ALCAM: variants seen among roughly 807,000 people sequenced by gnomAD.
ALCAM encodes the protein activated leukocyte cell adhesion molecule.
In ALCAM, 30 loss-of-function variants were observed where a neutral mutation model predicts 70.9. The ratio of observed to expected loss-of-function variants is 0.42; its 90% confidence interval spans 0.32 to 0.57. ALCAM has a LOEUF of 0.57. ALCAM is among the 20% of genes least tolerant of loss of function. ALCAM has a pLI of 0.11. For synonymous variants in ALCAM, 249 were observed against 242.5 expected (o/e 1.03, Z -0.25); for missense variants, 591 against 695.1 (o/e 0.85, Z 1.68).
At chr3:105,536,818 G>A (rs1407799381) in intron 6 of ALCAM, among the ~76,000 whole-genome samples, 1 of 152,138 alleles carries the variant, frequency 6.6e-6, no homozygotes, top group African/African-American at 2.4e-5. Flanking sequence ...AGTCTTGAGG[G>A]CTCAGGTGCC....
chr3:105,575,996 T>C lies in ALCAM; in HGVS notation c.*1545T>C, dbSNP rs1208185369. 1 of 152,196 alleles carries C rather than the reference T, an allele frequency of 6.6e-6. No individual in the cohort carries two copies. The highest frequency in any genetic ancestry group is 6.6e-5 in the Admixed American group (1 of 15,262). 9.4% of individuals were successfully genotyped at this position (152,196 alleles called of 1,614,324 possible). A position where few individuals can be genotyped will look rare whatever the true frequency, so the allele number is the denominator to read the frequency against. On this transcript the variant is annotated 3_prime_UTR_variant, in exon 16 of 16. Transcript: ENST00000306107. ...TGCATTATTTAGAAACATACGTTATTGTACATTTGTAAACCATTTACTGTC... is the reference window on the plus strand; with the variant it reads ...TGCATTATTTAGAAACATACGTTATCGTACATTTGTAAACCATTTACTGTC...
intron 1 of ALCAM, among the ~76,000 whole-genome samples, chr3:105,384,287 T>C (rs774138169): frequency 1.1e-4 from 16 of 151,618 alleles, no homozygotes; most frequent in African/African-American, 1.7e-4. Context: ...CAGTGCAGAA[T>C]TGGATTTATC....
intron 1 of ALCAM, among the ~76,000 whole-genome samples, chr3:105,467,796 T>C (rs1937790437): frequency 6.6e-6 from 1 of 151,230 alleles, no homozygotes. Context: ...TTAAAAACAA[T>C]TAAAATGAGG....
At chr3:105,535,872 A>C (rs1340176420) in intron 6 of ALCAM, among the ~76,000 whole-genome samples, 1 of 152,096 alleles carries the variant, frequency 6.6e-6, no homozygotes, top group Non-Finnish European at 1.5e-5. Context: ...TTTCGAAAGA[A>C]TCACCTCACC....
rs571784263 is a variant in ALCAM, at chr3:105,413,836, G to A, written c.73+46355G>A. Among the ~76,000 whole-genome samples, 6 of 152,198 alleles carry A rather than the reference G, an allele frequency of 3.9e-5. No individual in the cohort carries two copies. The South Asian group carries it at 1.2e-3, about 32-fold the overall frequency. On this transcript the variant is annotated intron_variant, in intron 1 of 15. Transcript: ENST00000306107. ...AGAAAATAGTATGTTTAATGTTTTT[G>A]ACTAAAGTTTTGCACTCACTAAATG...
intron 1 of ALCAM, among the ~76,000 whole-genome samples, chr3:105,399,025 A>G (rs1447246977): frequency 2.6e-5 from 4 of 152,062 alleles, no homozygotes; most frequent in Non-Finnish European, 5.9e-5. Context: ...CTCAAAATAC[A>G]TAGAAATGCA....
At chr3:105,485,121 A>C (rs1371350909) in intron 1 of ALCAM, among the ~76,000 whole-genome samples, 1 of 152,108 alleles carries the variant, frequency 6.6e-6, no homozygotes, top group African/African-American at 2.4e-5. Flanking sequence ...TACATAAGGG[A>C]ATAGAAATAA....
chr3:105,404,018 A>T (rs1251870912), intron 1 of ALCAM, among the ~76,000 whole-genome samples: 2 of 151,590 alleles, frequency 1.3e-5, no homozygotes, highest in South Asian at 4.2e-4. Context: ...CTTTTGAATT[A>T]ACCCAATCTG....
intron 1 of ALCAM, among the ~76,000 whole-genome samples, chr3:105,414,243 CA>C (rs11336904): frequency 0.7 from 96,948 of 138,566 alleles, 32,821 homozygotes; most frequent in East Asian, 0.89. Flanking sequence ...TTCCATCTTA[CA>C]AAAAAAAAAA....
At chr3:105,410,434 T>G (rs1313057569) in intron 1 of ALCAM, among the ~76,000 whole-genome samples, 1 of 152,080 alleles carries the variant, frequency 6.6e-6, no homozygotes, top group Non-Finnish European at 1.5e-5. Context: ...TTCTTGTTCA[T>G]GTACGTGTGT....
chr3:105,519,324 T>G (rs1007635587), intron 1 of ALCAM, among the ~76,000 whole-genome samples: 1 of 151,988 alleles, frequency 6.6e-6, no homozygotes, highest in African/African-American at 2.4e-5. Flanking sequence ...TATTTTTTCT[T>G]AATATAGAAT....
At chr3:105,461,288 G>A (rs558677829) in intron 1 of ALCAM, among the ~76,000 whole-genome samples, 50 of 151,796 alleles carry the variant, frequency 3.3e-4, no homozygotes, top group Middle Eastern at 3.4e-3. Context: ...ATTTTTGTTC[G>A]TTCAATGTCA....
At chr3:105,446,073 CTA>C (rs996039578) in intron 1 of ALCAM, among the ~76,000 whole-genome samples, 1 of 152,138 alleles carries the variant, frequency 6.6e-6, no homozygotes, top group African/African-American at 2.4e-5. Context: ...TATTTGAAAA[CTA>C]TGCATCTGAC....
intron 1 of ALCAM, chr3:105,513,366 A>T (rs998497618): frequency 2.6e-5 from 4 of 151,926 alleles, no homozygotes; most frequent in African/African-American, 9.7e-5. Flanking sequence ...TTCAAATGTA[A>T]GTCTAGATCT....
chr3:105,455,546 G>A (rs1205475631), intron 1 of ALCAM, among the ~76,000 whole-genome samples: 1 of 151,918 alleles, frequency 6.6e-6, no homozygotes, highest in African/African-American at 2.4e-5. Context: ...AAACATAAAA[G>A]TACAGATGGA....
intron 1 of ALCAM, among the ~76,000 whole-genome samples, chr3:105,435,815 G>A (rs1937036638): frequency 6.6e-6 from 1 of 152,090 alleles, no homozygotes; most frequent in South Asian, 2.1e-4. Flanking sequence ...TTTTGAGACG[G>A]AGTCTCGCTC....
At chr3:105,499,828 A>G (rs2152615454) in intron 1 of ALCAM, among the ~76,000 whole-genome samples, 1 of 152,320 alleles carries the variant, frequency 6.6e-6, no homozygotes, top group East Asian at 1.9e-4. Context: ...CTAAGTACAA[A>G]TATGGCTACC....
At chr3:105,548,196 T>G (rs1330698870) in intron 11 of ALCAM, among the ~76,000 whole-genome samples, 1 of 151,494 alleles carries the variant, frequency 6.6e-6, no homozygotes, top group Non-Finnish European at 1.5e-5. Context: ...TCTTTTACTA[T>G]TAAGTCTTTG....
chr3:105,525,998 G>A (rs188884752), intron 3 of ALCAM, among the ~76,000 whole-genome samples: 1 of 152,212 alleles, frequency 6.6e-6, no homozygotes. Context: ...TTATTAGAAA[G>A]ATGAATAGTG....
Sources: allele counts gnomAD v4.1 joint callset (sites outside exome capture counted in the v4.1 genomes callset), GRCh38; gene constraint gnomAD v4.1.1; transcripts MANE v1.5; gene names NCBI Gene and HGNC (gene_info 2026-07-23, HGNC 2026-07-21).